Variants in PAFAH1B1 observed in about 807,000 individuals in gnomAD.
PAFAH1B1 encodes platelet-activating factor acetylhydrolase IB subunit beta.
PAFAH1B1 carries 2 observed loss-of-function variants against 57.5 expected under a neutral mutation model. The observed-to-expected ratio is 0.03, with a 90% confidence interval of 0.01 to 0.11. The LOEUF is 0.11. Ranked by LOEUF, PAFAH1B1 falls within the 10% of genes least tolerant of loss-of-function variation. The pLI, the probability that PAFAH1B1 is intolerant of heterozygous loss-of-function variation, is 1.00. For synonymous variants in PAFAH1B1, 152 were observed against 169.6 expected, an observed-to-expected ratio of 0.90 and a Z score of 0.81; for missense variants, 257 against 512.0, an observed-to-expected ratio of 0.50 and a Z score of 4.81.
intron 1 of PAFAH1B1, among the ~76,000 whole-genome samples, chr17:2,624,947 C>T (rs1242214524): frequency 6.6e-6 from 1 of 151,968 alleles, no homozygotes; most frequent in Non-Finnish European, 1.5e-5. Context: ...CCTTCTACAT[C>T]TGATAATAAA....
At chr17:2,659,802 T>A (rs1683420805) in intron 2 of PAFAH1B1, among the ~76,000 whole-genome samples, 1 of 152,144 alleles carries the variant, frequency 6.6e-6, no homozygotes, top group African/African-American at 2.4e-5. Flanking sequence ...GCCACTGCAC[T>A]CCAGCCTGGG....
intron 1 of PAFAH1B1, among the ~76,000 whole-genome samples, chr17:2,621,634 TTTTTTTTTTG>T (rs2068425053): frequency 2.1e-5 from 2 of 96,870 alleles, no homozygotes; most frequent in African/African-American, 8.9e-5. Flanking sequence ...TTTTTTTTTT[TTTTTTTTTTG>T]AGACAGGGTC....
At chr17:2,605,023 C>T (rs1288883050) in intron 1 of PAFAH1B1, among the ~76,000 whole-genome samples, 1 of 152,136 alleles carries the variant, frequency 6.6e-6, no homozygotes, top group Admixed American at 6.6e-5. Context: ...AGTCATTAAA[C>T]AATTTCAGGT....
intron 2 of PAFAH1B1, among the ~76,000 whole-genome samples, chr17:2,651,310 C>A (rs1377532049): frequency 6.6e-6 from 1 of 151,214 alleles, no homozygotes; most frequent in Admixed American, 6.6e-5. Context: ...GGTGCGGTGG[C>A]TCACGTATGT....
At chr17:2,680,349 A>G (rs892340730) in intron 10 of PAFAH1B1, 29 bp downstream of exon 10, 13 of 1,607,752 alleles carry the variant, frequency 8.1e-6, no homozygotes, top group African/African-American at 2.7e-5. Context: ...GTCTCTGAAC[A>G]TTAGATTTTG....
intron 6 of PAFAH1B1, among the ~76,000 whole-genome samples, chr17:2,671,751 C>A (rs1292089221): frequency 6.6e-6 from 1 of 151,834 alleles, no homozygotes; most frequent in Non-Finnish European, 1.5e-5. Context: ...TACAGGCAAG[C>A]ACCACCACAC....
At chr17:2,602,801 G>C (rs1301393306) in intron 1 of PAFAH1B1, among the ~76,000 whole-genome samples, 1 of 152,178 alleles carries the variant, frequency 6.6e-6, no homozygotes, top group Admixed American at 6.6e-5. Context: ...TGCTTTACAA[G>C]TATTCGTTTA....
Position 2,613,249 on chromosome 17 carries a change from G to A in PAFAH1B1, c.-191+19243G>A, listed in dbSNP as rs2068288328. 3 of 182,376 alleles carry A rather than the reference G, an allele frequency of 1.6e-5. No individual in the cohort carries two copies. In the South Asian group the frequency reaches 5.0e-4, roughly 30 times the overall value. 11.3% of individuals were successfully genotyped at this position (182,376 alleles called of 1,614,324 possible). A position where few individuals can be genotyped will look rare whatever the true frequency, so the allele number is the denominator to read the frequency against. ...AGTGGTGGCTCCTGGGAGTTTGTGT[G>A]GCCCCACCCCCCACCCACCCCTGGC... On this transcript the variant is annotated intron_variant, in intron 1 of 10. Transcript: ENST00000397195.
intron 1 of PAFAH1B1, among the ~76,000 whole-genome samples, chr17:2,599,096 A>G (rs1465353427): frequency 6.6e-6 from 1 of 152,118 alleles, no homozygotes; most frequent in Non-Finnish European, 1.5e-5. Flanking sequence ...CTGGAATGGT[A>G]CTCTCTATTG....
intron 2 of PAFAH1B1, among the ~76,000 whole-genome samples, chr17:2,661,336 G>A (rs912445990): frequency 2.0e-5 from 3 of 152,090 alleles, no homozygotes; most frequent in Non-Finnish European, 4.4e-5. Flanking sequence ...CTTATTTTTT[G>A]TATAAGGTGT....
At chr17:2,666,968 C>T (rs373080381) in intron 4 of PAFAH1B1, 24 bp from the exon 5 acceptor site, 33 of 1,545,724 alleles carry the variant, frequency 2.1e-5, no homozygotes, top group African/African-American at 1.8e-4. Context: ...TCTATCTGTA[C>T]GTAACTACAT....
intron 5 of PAFAH1B1, among the ~76,000 whole-genome samples, chr17:2,669,231 G>A (rs888799165): frequency 1.3e-5 from 2 of 150,084 alleles, no homozygotes; most frequent in Admixed American, 6.6e-5. Flanking sequence ...TCACTATAAT[G>A]TTTTCTATAA....
intron 1 of PAFAH1B1, among the ~76,000 whole-genome samples, chr17:2,596,813 C>G (rs2068088266): frequency 6.6e-6 from 1 of 152,122 alleles, no homozygotes; most frequent in Non-Finnish European, 1.5e-5. Context: ...AATCTCAGCA[C>G]TTTGGGAGGC....
intron 6 of PAFAH1B1, among the ~76,000 whole-genome samples, chr17:2,670,587 C>T (rs1451974256): frequency 6.6e-6 from 1 of 152,120 alleles, no homozygotes; most frequent in Non-Finnish European, 1.5e-5. Flanking sequence ...ACTGCCAGGT[C>T]ATTTATCTGT....
chr17:2,626,202 C>T (rs575731271), intron 1 of PAFAH1B1, among the ~76,000 whole-genome samples: 8 of 151,638 alleles, frequency 5.3e-5, no homozygotes, highest in South Asian at 4.2e-4. Flanking sequence ...TGCAGTAAGC[C>T]GAGATCACGC....
At chr17:2,620,312 T>G (rs1406675723) in intron 1 of PAFAH1B1, among the ~76,000 whole-genome samples, 1 of 152,198 alleles carries the variant, frequency 6.6e-6, no homozygotes, top group African/African-American at 2.4e-5. Flanking sequence ...AGAATGGAAA[T>G]GTACAGATTG....
At chr17:2,640,692 C>G (rs1232291806) in intron 2 of PAFAH1B1, 1 of 151,932 alleles carries the variant, frequency 6.6e-6, no homozygotes, top group Non-Finnish European at 1.5e-5. Flanking sequence ...ACCTGGTGAT[C>G]TGTCCACCTC....
chr17:2,598,594 A>G (rs2068108965), intron 1 of PAFAH1B1, among the ~76,000 whole-genome samples: 2 of 150,558 alleles, frequency 1.3e-5, no homozygotes. Context: ...CAGTACAACT[A>G]TTACTTTTTT....
In PAFAH1B1 at chr17:2,613,890, T is replaced by G. The variant is rs577597402; in HGVS notation, c.-191+19884T>G. On this transcript the variant is annotated intron_variant, in intron 1 of 10. Transcript: ENST00000397195. ...GAGGGCACTCCCAGAAAGGGGGGCC[T>G]GAAATGGGGGCCCAGGGTGATGTGA... 5.1e-3 allele frequency: 1,042 copies of G among 203,550 alleles called. 1 individual carries two copies. Among genetic ancestry groups the G allele is most frequent in the South Asian group, 0.012 (143 of 11,856 alleles). The allele number at this position is 203,550 out of a possible 1,614,324, so 12.6% of individuals were successfully genotyped here. A position where few individuals can be genotyped will look rare whatever the true frequency, so the allele number is the denominator to read the frequency against.
Sources: allele counts gnomAD v4.1 joint callset (sites outside exome capture counted in the v4.1 genomes callset), GRCh38; gene constraint gnomAD v4.1.1; transcripts MANE v1.5; gene names NCBI Gene and HGNC (gene_info 2026-07-23, HGNC 2026-07-21).